Variants in LEPR observed in about 807,000 individuals in gnomAD.
The protein encoded by LEPR is leptin receptor, also known as OB receptor.
LEPR carries 56 observed loss-of-function variants against 114.7 expected under a neutral mutation model. The observed-to-expected ratio is 0.49, with a 90% CI of 0.39 to 0.61. LEPR has a LOEUF of 0.61. Ranked by LOEUF, LEPR falls within the 20% of genes least tolerant of loss-of-function variation. LEPR has a pLI of 0.00. For missense variants in LEPR, 1,202 were observed against 1,352.9 expected (o/e 0.89, Z 1.75); for synonymous variants, 443 against 461.4 (o/e 0.96, Z 0.51).
At chr1:65,525,919 C>G in intron 2 of LEPR, 1 of 910,304 alleles carries the variant, frequency 1.1e-6, no homozygotes, top group Admixed American at 6.2e-5. Flanking sequence ...GACGCGGAGC[C>G]CCGCGGGCCG....
chr1:65,451,135 T>C (rs1324785670), intron 2 of LEPR, among the ~76,000 whole-genome samples: 1 of 152,214 alleles, frequency 6.6e-6, no homozygotes, highest in Non-Finnish European at 1.5e-5. Flanking sequence ...TTTGTTTTTT[T>C]CTTGTAAATT....
chr1:65,527,505 TG>T (rs1650055495), intron 2 of LEPR, among the ~76,000 whole-genome samples: 1 of 152,258 alleles, frequency 6.6e-6, no homozygotes, highest in Admixed American at 6.5e-5. Flanking sequence ...CAGTAGCTTT[TG>T]TTGCTACTTC....
At chr1:65,529,869 C>T (rs1006675177) in intron 2 of LEPR, among the ~76,000 whole-genome samples, 9 of 152,166 alleles carry the variant, frequency 5.9e-5, no homozygotes, top group African/African-American at 2.2e-4. Context: ...TCCTTTCTGT[C>T]TCCTGTGCTA....
At chr1:65,454,972 T>C (rs1266722108) in intron 2 of LEPR, among the ~76,000 whole-genome samples, 1 of 152,182 alleles carries the variant, frequency 6.6e-6, no homozygotes, top group Non-Finnish European at 1.5e-5. Flanking sequence ...CTTGGAGGCT[T>C]TGCTCGTTTC....
At chr1:65,479,941 C>CA (rs1450177564) in intron 2 of LEPR, among the ~76,000 whole-genome samples, 3 of 151,682 alleles carry the variant, frequency 2.0e-5, no homozygotes, top group Non-Finnish European at 2.9e-5. Flanking sequence ...AACAAACAAA[C>CA]AAAAAAACAA....
intron 2 of LEPR, among the ~76,000 whole-genome samples, chr1:65,509,528 A>G (rs758060342): frequency 3.9e-5 from 6 of 152,126 alleles, no homozygotes; most frequent in Non-Finnish European, 8.8e-5. Flanking sequence ...CAAGTACATC[A>G]AATTTAGAAC....
chr1:65,610,327 T>C, intron 14 of LEPR, 31 bp downstream of exon 14: 1 of 1,541,700 alleles, frequency 6.5e-7, no homozygotes, highest in Non-Finnish European at 8.9e-7. Context: ...AATCTTAAAT[T>C]GTATTTTTAT....
rs547123293 is a variant in LEPR at position 65,461,084 on chromosome 1, T to A, written c.-21+35706T>A. Among the ~76,000 whole-genome samples the A allele has an allele frequency of 3.3e-5, 5 of 151,442 alleles. No homozygotes were observed. In the East Asian group the frequency reaches 9.9e-4, roughly 30 times the overall value. The stretch of plus-strand genomic sequence containing the variant: ...TCCGTCTCCTGGGTTCAAGCAATTC[T>A]CCTGTCTCAGCCTCCCGAGTAAGTG... On this transcript the variant is annotated intron_variant, in intron 2 of 19. Transcript: ENST00000349533.
intron 2 of LEPR, among the ~76,000 whole-genome samples, chr1:65,464,764 A>C (rs1389708516): frequency 6.6e-6 from 1 of 152,186 alleles, no homozygotes; most frequent in Non-Finnish European, 1.5e-5. Context: ...GGGAGGGTGT[A>C]TGTGTCCAGG....
chr1:65,453,440 C>A (rs1646818277), intron 2 of LEPR, among the ~76,000 whole-genome samples: 1 of 151,968 alleles, frequency 6.6e-6, no homozygotes, highest in African/African-American at 2.4e-5. Flanking sequence ...TCCCTCGACG[C>A]ACTGCTTTGA....
At chr1:65,518,920 TC>T (rs1649464340) in intron 2 of LEPR, among the ~76,000 whole-genome samples, 2 of 114,120 alleles carry the variant, frequency 1.8e-5, no homozygotes, top group Non-Finnish European at 3.7e-5. Context: ...TTTCTTTCTC[TC>T]TTTCTCTGTT....
intron 5 of LEPR, among the ~76,000 whole-genome samples, chr1:65,585,160 A>G (rs1220790980): frequency 1.3e-5 from 2 of 152,042 alleles, no homozygotes; most frequent in Non-Finnish European, 2.9e-5. Context: ...TTGGATTGGC[A>G]AGAGAAAATT....
Position 65,525,848 on chromosome 1 carries a change from C to T in LEPR, c.-20-39698C>T, listed in dbSNP as rs931370436. ...GACCTGCTTCCCTCTCCGACACCCC[C>T]TATTGCCACCTCTTCCCGCTCTGGG... On this transcript the variant is annotated intron_variant, in intron 2 of 19. Coordinates refer to ENST00000349533, the MANE Select transcript of LEPR (RefSeq NM_002303.6). 10 of 982,814 alleles carry T rather than the reference C, an allele frequency of 1.0e-5. No homozygotes were observed. The African/African-American group carries it at 1.2e-4, about 12-fold the overall frequency. 60.9% of individuals were successfully genotyped at this position (982,814 alleles called of 1,614,324 possible).
At chr1:65,609,028 C>A in intron 12 of LEPR, 127 bp downstream of exon 12, 1 of 1,223,010 alleles carries the variant, frequency 8.2e-7, no homozygotes, top group Non-Finnish European at 1.1e-6. Context: ...TAGCTATTTT[C>A]ATTAAATAGA....
At position 65,452,040 on chromosome 1, in the gene LEPR, A is replaced by G. The variant is rs559168450; in HGVS notation, c.-21+26662A>G. Among the ~76,000 whole-genome samples the G allele has an allele frequency of 3.3e-5, 5 of 151,650 alleles. No individual in the cohort carries two copies. The South Asian group carries it at 6.3e-4, about 19-fold the overall frequency. ...TAGGTATTTTATTCTCTTTGAAGCA[A>G]TTGTGAATGGGAGTTCACTCATGAT... is the stretch of plus-strand genomic sequence containing the variant. On this transcript the variant is annotated intron_variant, in intron 2 of 19. Transcript: ENST00000349533.
At chr1:65,589,872 C>A (rs1344908923) in intron 5 of LEPR, among the ~76,000 whole-genome samples, 1 of 151,824 alleles carries the variant, frequency 6.6e-6, no homozygotes, top group Admixed American at 6.6e-5. Context: ...AAAATATGTT[C>A]TTCAGTTTCA....
chr1:65,545,291 G>A lies in LEPR; in HGVS notation c.-20-20255G>A, dbSNP rs1211791920. On this transcript the variant is annotated intron_variant, in intron 2 of 19. Transcript: ENST00000349533. ...TACGTGTGCATGTGTCTTTATAGCA[G>A]CATGATTTATAGTCCTTTGGGTATA... Among the ~76,000 whole-genome samples the A allele has an allele frequency of 3.4e-5, 5 of 148,294 alleles. No individual in the cohort carries two copies. The Admixed American group carries it at 3.4e-4, about 10-fold the overall frequency.
intron 2 of LEPR, among the ~76,000 whole-genome samples, chr1:65,551,623 G>T (rs1048347015): frequency 2.6e-5 from 4 of 151,990 alleles, no homozygotes; most frequent in African/African-American, 9.7e-5. Flanking sequence ...AGTCTGGCTA[G>T]TGGTCTATTT....
intron 2 of LEPR, among the ~76,000 whole-genome samples, chr1:65,462,947 C>T (rs1286199838): frequency 6.6e-6 from 1 of 152,054 alleles, no homozygotes; most frequent in Non-Finnish European, 1.5e-5. Flanking sequence ...CTATATGTTG[C>T]CTGTTCACTC....
Sources: gnomAD v4.1 joint callset for allele counts (sites outside exome capture counted in the v4.1 genomes callset) on GRCh38, gnomAD v4.1.1 for gene constraint, MANE v1.5 for transcripts, NCBI Gene and HGNC (gene_info 2026-07-23, HGNC 2026-07-21) for gene names.